The following CSNK1A1 variants were observed in gnomAD, a reference collection of about 807,000 sequenced individuals.
CSNK1A1 encodes the protein casein kinase 1 alpha 1.
Under a neutral mutation model 46.1 loss-of-function variants are expected in CSNK1A1, and 7 were observed. That is an observed-to-expected ratio of 0.15 (90% CI 0.09 to 0.29). The LOEUF (loss-of-function observed/expected upper bound fraction) is 0.29, where lower values mean the gene tolerates loss of function less well. Ranked by LOEUF, CSNK1A1 falls within the 10% of genes least tolerant of loss-of-function variation. The pLI, the probability that CSNK1A1 is intolerant of heterozygous loss-of-function variation, is 1.00. For synonymous variants in CSNK1A1, 137 were observed against 141.5 expected (o/e 0.97, Z 0.23); for missense variants, 96 against 417.1 (o/e 0.23, Z 6.71).
chr5:149,550,791 G>C lies in CSNK1A1; in HGVS notation c.123+51C>G. Reference sequence around the variant, plus strand: ...TTTGGGGGTGCACGGTGGTGGTGGGGGGAATGAGTAAAAGCGCAGCGTTAT... The same window carrying C: ...TTTGGGGGTGCACGGTGGTGGTGGGCGGAATGAGTAAAAGCGCAGCGTTAT... On this transcript the variant is annotated intron_variant, in intron 1 of 9. Transcript: ENST00000377843. The surrounding 1 kb of genome is among the most constrained non-coding windows in gnomAD (Gnocchi z 4.3). 6.2e-7 allele frequency: 1 copy of C among 1,612,088 alleles called. No homozygotes were observed. Among genetic ancestry groups the C allele is most frequent in the Non-Finnish European group, 8.5e-7 (1 of 1,178,730 alleles).
Position 149,498,227 on chromosome 5 carries a change from CT to C in CSNK1A1, c.1007-1368del, listed in dbSNP as rs554122474. 6,093 of 785,624 alleles carry C rather than the reference CT, an allele frequency of 7.8e-3. 22 individuals carry two copies. Among genetic ancestry groups the C allele is most frequent in the African/African-American group, 0.028 (1,463 of 52,068 alleles). The allele number at this position is 785,624 out of a possible 1,614,324, so 48.7% of individuals were successfully genotyped here. A position where few individuals can be genotyped will look rare whatever the true frequency, so the allele number is the denominator to read the frequency against. ...ATTTATTTCTTATGCATATATGCCCCTTTTTTTTTTTGGGAAATAATAGCGA... is the reference window on the plus strand; with the variant it reads ...ATTTATTTCTTATGCATATATGCCCCTTTTTTTTTTGGGAAATAATAGCGA... On this transcript the variant is annotated intron_variant, in intron 9 of 9. Coordinates refer to ENST00000377843, the MANE Select transcript of CSNK1A1 (RefSeq NM_001892.6).
In CSNK1A1 at chr5:149,513,132, A is replaced by G. The variant is rs543892769; in HGVS notation, c.534T>C (p.Asp178=). The change falls in exon 5 of 10, where the codon GAT becomes GAC. Residue 178 remains aspartate, a synonymous_variant. Coordinates refer to ENST00000377843, the MANE Select transcript of CSNK1A1 (RefSeq NM_001892.6). ...RTRQHIPYRE[D]KNLTGTARYA... is the part of the protein sequence containing the mutation. Reference sequence around the variant, plus strand: ...ATCGGGCAGTGCCAGTGAGGTTTTTATCTTCTCTGTATGGTATGTGTTGCC... The same window carrying G: ...ATCGGGCAGTGCCAGTGAGGTTTTTGTCTTCTCTGTATGGTATGTGTTGCC... 23 of 1,614,164 alleles carry G rather than the reference A, an allele frequency of 1.4e-5. No individual in the cohort carries two copies. The South Asian group carries it at 2.2e-4, about 15-fold the overall frequency.
chr5:149,497,048 T>G (rs1361484622), intron 9 of CSNK1A1, 188 bp from the exon 10 acceptor site: 2 of 1,412,524 alleles, frequency 1.4e-6, no homozygotes, highest in Non-Finnish European at 9.2e-7. Flanking sequence ...TAAAACTAAT[T>G]TTTTCTGTTT....
chr5:149,527,774 T>C (rs563950434), intron 2 of CSNK1A1, among the ~76,000 whole-genome samples: 1 of 152,268 alleles, frequency 6.6e-6, no homozygotes, highest in African/African-American at 2.4e-5. Flanking sequence ...ATAATTTACC[T>C]AGGCTTTTAA....
Position 149,551,162 on chromosome 5 carries a change from C to T in CSNK1A1, c.-198G>A. On this transcript the variant is annotated 5_prime_UTR_variant, in exon 1 of 10. Transcript: ENST00000377843. The stretch of plus-strand genomic sequence containing the variant: ...CGCCGCTCAGTCAGGTTTCTTTTTG[C>T]CAGGCCGCAGTTTGTGAAGGGCTTC... 1 of 478,974 alleles carries T rather than the reference C, an allele frequency of 2.1e-6. No individual in the cohort carries two copies. Among genetic ancestry groups the T allele is most frequent in the Non-Finnish European group, 3.7e-6 (1 of 272,396 alleles). 29.7% of individuals were successfully genotyped at this position (478,974 alleles called of 1,614,324 possible). A position where few individuals can be genotyped will look rare whatever the true frequency, so the allele number is the denominator to read the frequency against.
chr5:149,501,011 A>G (rs1336766427), intron 9 of CSNK1A1: 1 of 985,312 alleles, frequency 1.0e-6, no homozygotes, highest in East Asian at 1.1e-4. Context: ...GAGTTTTAAA[A>G]TACCTGTTTA....
At chr5:149,508,878 CTTATT>C in intron 7 of CSNK1A1, among the ~76,000 whole-genome samples, 1 of 152,294 alleles carries the variant, frequency 6.6e-6, no homozygotes. Context: ...ACATAAAACA[CTTATT>C]TTACTTACTT....
In CSNK1A1 at chr5:149,521,469, G is replaced by A. The variant is rs138531262; in HGVS notation, c.358-1081C>T. On this transcript the variant is annotated intron_variant, in intron 3 of 9. Coordinates refer to ENST00000377843, the MANE Select transcript of CSNK1A1 (RefSeq NM_001892.6). Reference sequence around the variant, plus strand: ...TGTGTCAGCTAATTTTTAATTTTTGGTAGAGACGGGATATCGTTATGTTGC... The same window carrying A: ...TGTGTCAGCTAATTTTTAATTTTTGATAGAGACGGGATATCGTTATGTTGC... Among the ~76,000 whole-genome samples the A allele has an allele frequency of 3.0e-3, 461 of 151,804 alleles. 2 individuals are homozygous for A. Among genetic ancestry groups the A allele is most frequent in the Middle Eastern group, 0.014 (4 of 294 alleles).
intron 2 of CSNK1A1, among the ~76,000 whole-genome samples, chr5:149,541,278 G>A (rs1305307693): frequency 1.3e-5 from 2 of 151,022 alleles, no homozygotes; most frequent in Non-Finnish European, 1.5e-5. Context: ...TCAGCCTCCC[G>A]AGTAGCTGGG....
At chr5:149,499,330 A>G in intron 9 of CSNK1A1, 1 of 815,096 alleles carries the variant, frequency 1.2e-6, no homozygotes, top group Non-Finnish European at 1.5e-6. Context: ...GGGAGTTAAA[A>G]CAGAGTTGGA....
intron 9 of CSNK1A1, chr5:149,503,754 C>G (rs543686426): frequency 1.0e-6 from 1 of 985,314 alleles, no homozygotes; most frequent in African/African-American, 1.7e-5. Context: ...AAGAGACACA[C>G]AGTAAACTAA....
Position 149,550,935 on chromosome 5 carries a change from T to C in CSNK1A1, c.30A>G (p.Glu10=). 1.2e-6 allele frequency: 2 copies of C among 1,614,126 alleles called. No homozygotes were observed. The highest frequency in any genetic ancestry group is 4.5e-5 in the East Asian group (2 of 44,872). MASSSGSKA[E]FIVGGKYKLV... ...GTTTATATTTCCCTCCGACAATGAA[T>C]TCAGCCTTGGAGCCGCTGCTACTCG... The change falls in exon 1 of 10, where the codon GAA becomes GAG. Residue 10 remains glutamate, a synonymous_variant. Coordinates refer to ENST00000377843, the MANE Select transcript of CSNK1A1 (RefSeq NM_001892.6). The surrounding 1 kb of genome is among the most constrained non-coding windows in gnomAD (Gnocchi z 4.3).
At chr5:149,504,611 C>A in intron 9 of CSNK1A1, 1 of 985,326 alleles carries the variant, frequency 1.0e-6, no homozygotes, top group Non-Finnish European at 1.2e-6. Flanking sequence ...TCCTTACAGG[C>A]AGTAAGAGTG....
chr5:149,528,404 T>C (rs1761786807), intron 2 of CSNK1A1, among the ~76,000 whole-genome samples: 1 of 152,238 alleles, frequency 6.6e-6, no homozygotes, highest in African/African-American at 2.4e-5. Context: ...TCTTTCACAC[T>C]TCCTTTGGTC....
At chr5:149,509,258 CT>C (rs921390456) in intron 7 of CSNK1A1, among the ~76,000 whole-genome samples, 1 of 152,044 alleles carries the variant, frequency 6.6e-6, no homozygotes, top group African/African-American at 2.4e-5. Flanking sequence ...GTTAAAAGTC[CT>C]TGTTAAAGAT....
intron 2 of CSNK1A1, among the ~76,000 whole-genome samples, chr5:149,533,855 A>G (rs1268240464): frequency 6.6e-6 from 1 of 152,204 alleles, no homozygotes; most frequent in Non-Finnish European, 1.5e-5. Context: ...TCTTCATAAC[A>G]CAAATTACAA....
chr5:149,533,794 ACAAATGTTAAAATACACTTTTT>A (rs1761969308), intron 2 of CSNK1A1, among the ~76,000 whole-genome samples: 2 of 152,206 alleles, frequency 1.3e-5, no homozygotes, highest in South Asian at 4.1e-4. Context: ...CCAGGGAGAT[ACAAATGTTAAAATACACTTTTT>A]CATTGGGAAG....
chr5:149,533,953 A>C (rs1436938590), intron 2 of CSNK1A1, among the ~76,000 whole-genome samples: 1 of 152,222 alleles, frequency 6.6e-6, no homozygotes, highest in Admixed American at 6.5e-5. Flanking sequence ...GTGACTGACA[A>C]TGGGTTCAAG....
intron 5 of CSNK1A1, 139 bp downstream of exon 5, chr5:149,512,931 A>T (rs1761277425): frequency 3.1e-6 from 3 of 976,984 alleles, no homozygotes; most frequent in South Asian, 1.7e-5. Flanking sequence ...TTAAAGCAGC[A>T]GGTAAAATGA....
Sources: gnomAD v4.1 joint callset for allele counts (sites outside exome capture counted in the v4.1 genomes callset) on GRCh38, gnomAD v4.1.1 for gene constraint, Gnocchi (gnomAD v3.1) non-coding constraint, MANE v1.5 for transcripts, NCBI Gene and HGNC (gene_info 2026-07-23, HGNC 2026-07-21) for gene names.